NHSL2: variants seen among roughly 807,000 people sequenced by gnomAD.
NHSL2 encodes the protein NHS like 2, also known as NHS-like protein 2.
A neutral mutation model predicts 53.4 loss-of-function variants in NHSL2; 27 were observed. The ratio of observed to expected loss-of-function variants is 0.51; its 90% CI spans 0.37 to 0.70. The LOEUF (loss-of-function observed/expected upper bound fraction) is 0.70. NHSL2 is among the 30% of genes least tolerant of loss of function. NHSL2 has a pLI of 0.00. For missense variants in NHSL2, 892 were observed against 980.1 expected, an observed-to-expected ratio of 0.91 and a Z score of 1.20; for synonymous variants, 408 against 404.1, an observed-to-expected ratio of 1.01 and a Z score of -0.12.
At chrX:72,122,761 C>T (rs2042191280) in intron 1 of NHSL2, among the ~76,000 whole-genome samples, 1 of 111,928 alleles carries the variant, frequency 8.9e-6, no homozygotes, top group African/African-American at 3.2e-5. Context: ...CCTGCTTTGT[C>T]TCCCCTGCTT....
chrX:72,069,690 A>G (rs2042455461), intron 1 of NHSL2: 1 of 938,249 alleles, frequency 1.1e-6, no homozygotes, highest in Non-Finnish European at 1.3e-6. Context: ...GAGCAGAATG[A>G]TGGGCAACTC....
chrX:72,051,512 C>T (rs774224802), intron 1 of NHSL2, among the ~76,000 whole-genome samples: 1 of 111,635 alleles, frequency 9.0e-6, no homozygotes, highest in Non-Finnish European at 1.9e-5. Flanking sequence ...CCACTCTGTT[C>T]TCACAGTGAC....
intron 1 of NHSL2, among the ~76,000 whole-genome samples, chrX:72,029,855 A>T (rs1488387386): frequency 3.6e-5 from 4 of 112,078 alleles, no homozygotes; most frequent in African/African-American, 1.3e-4. Context: ...CCCTTGAAAG[A>T]TTGTTCCCTC....
intron 1 of NHSL2, among the ~76,000 whole-genome samples, chrX:72,110,972 G>A (rs1423912715): frequency 1.8e-5 from 2 of 111,708 alleles, no homozygotes; most frequent in Non-Finnish European, 3.8e-5. Context: ...ATATGGAAAC[G>A]GGTTGAATTA....
chrX:72,135,061 C>T (rs6625947), intron 4 of NHSL2, among the ~76,000 whole-genome samples: 41,353 of 110,781 alleles, frequency 0.37, 6,298 homozygotes, highest in East Asian at 0.96. Flanking sequence ...CTTCTTGTGC[C>T]CAGAGCTGGG....
At chrX:71,926,109 C>G (rs1422452431) in intron 1 of NHSL2, among the ~76,000 whole-genome samples, 1 of 111,677 alleles carries the variant, frequency 9.0e-6, no homozygotes, top group Non-Finnish European at 1.9e-5. Context: ...TGAGTTTTCT[C>G]TGTGAAATTA....
intron 6 of NHSL2, 93 bp from the exon 7 acceptor site, chrX:72,142,139 G>A (rs1353702419): frequency 1.3e-5 from 9 of 696,885 alleles, no homozygotes; most frequent in Non-Finnish European, 1.9e-5. Flanking sequence ...CCCTCACAGA[G>A]TTGCTTTCAC....
At chrX:72,086,182 A>AT (rs2041841761) in intron 1 of NHSL2, among the ~76,000 whole-genome samples, 1 of 111,997 alleles carries the variant, frequency 8.9e-6, no homozygotes, top group African/African-American at 3.2e-5. Flanking sequence ...AAAGATACAC[A>AT]TGTTCTGTAG....
At chrX:71,914,361 G>A (rs1167110858) in intron 1 of NHSL2, among the ~76,000 whole-genome samples, 1 of 112,428 alleles carries the variant, frequency 8.9e-6, no homozygotes, top group African/African-American at 3.2e-5. Context: ...TCTATATAAT[G>A]TTTGTAGGTG....
intron 1 of NHSL2, among the ~76,000 whole-genome samples, chrX:71,984,169 A>G (rs1002597298): frequency 7.2e-5 from 8 of 111,589 alleles, no homozygotes; most frequent in Non-Finnish European, 1.1e-4. Context: ...CTGTCTAACT[A>G]TTAGATCTCT....
chrX:72,126,046 G>A (rs1166445992), intron 1 of NHSL2, among the ~76,000 whole-genome samples: 1 of 112,077 alleles, frequency 8.9e-6, no homozygotes, highest in Non-Finnish European at 1.9e-5. Context: ...TGAGATTCAG[G>A]TCCCTCAGCT....
At chrX:71,931,020 T>C (rs750363428) in intron 1 of NHSL2, among the ~76,000 whole-genome samples, 1 of 112,431 alleles carries the variant, frequency 8.9e-6, no homozygotes, top group South Asian at 3.7e-4. Context: ...CCATCAGCAA[T>C]GTACAAGGGT....
chrX:71,952,488 G>A (rs1056805665), intron 1 of NHSL2, among the ~76,000 whole-genome samples: 4 of 111,256 alleles, frequency 3.6e-5, no homozygotes, highest in Admixed American at 2.9e-4. Context: ...AAGATAAGGC[G>A]CCAGCAAATT....
intron 1 of NHSL2, among the ~76,000 whole-genome samples, chrX:72,090,239 A>AT (rs769347000): frequency 9.1e-6 from 1 of 110,258 alleles, no homozygotes; most frequent in Admixed American, 9.7e-5. Flanking sequence ...AATTTTTTGT[A>AT]TTTTTTGTAG....
intron 2 of NHSL2, 133 bp from the exon 3 acceptor site, chrX:72,133,958 C>A: frequency 1.6e-6 from 1 of 636,132 alleles, no homozygotes; most frequent in Non-Finnish European, 2.4e-6. Flanking sequence ...GGCTCAAACA[C>A]CTGGAAATAG....
At chrX:72,023,874 C>T (rs1400179422) in intron 1 of NHSL2, among the ~76,000 whole-genome samples, 1 of 111,670 alleles carries the variant, frequency 9.0e-6, no homozygotes, top group Admixed American at 9.5e-5. Flanking sequence ...AGGGCCTGAG[C>T]CAAGGCAGGA....
chrX:72,107,090 T>C (rs959233684), intron 1 of NHSL2, among the ~76,000 whole-genome samples: 1 of 110,455 alleles, frequency 9.1e-6, no homozygotes, highest in Non-Finnish European at 1.9e-5. Context: ...TGCACACATG[T>C]ACCCTAGAAC....
chrX:72,124,774 C>T (rs1408285889), intron 1 of NHSL2, among the ~76,000 whole-genome samples: 1 of 112,028 alleles, frequency 8.9e-6, no homozygotes, highest in Admixed American at 9.4e-5. Flanking sequence ...GTGGGGAAGT[C>T]ACAGCTGTTT....
chrX:72,027,242 A>G (rs2042190387), intron 1 of NHSL2, among the ~76,000 whole-genome samples: 1 of 112,051 alleles, frequency 8.9e-6, no homozygotes, highest in Non-Finnish European at 1.9e-5. Context: ...GCTGCTCTGA[A>G]GGAACTTCCA....
Sources: allele counts gnomAD v4.1 joint callset (sites outside exome capture counted in the v4.1 genomes callset), GRCh38; gene constraint gnomAD v4.1.1; transcripts MANE v1.5; gene names NCBI Gene and HGNC (gene_info 2026-07-23, HGNC 2026-07-21).